Variants in ABCG1 observed in about 807,000 individuals in gnomAD.
ABCG1 encodes the protein ATP binding cassette subfamily G member 1, also known as ATP-binding cassette sub-family G member 1.
A neutral mutation model predicts 69.2 loss-of-function variants in ABCG1; 29 were observed. The observed-to-expected ratio is 0.42, with a 90% CI of 0.31 to 0.57. The LOEUF (loss-of-function observed/expected upper bound fraction) is 0.57. ABCG1 is among the 20% of genes least tolerant of loss of function. The pLI, the probability that ABCG1 is intolerant of heterozygous loss-of-function variation, is 0.15. For synonymous variants in ABCG1, 370 were observed against 374.8 expected, an observed-to-expected ratio of 0.99 and a Z score of 0.15; for missense variants, 718 against 898.1, an observed-to-expected ratio of 0.80 and a Z score of 2.56.
chr21:42,211,119 C>T (rs979178933), upstream of ABCG1, among the ~76,000 whole-genome samples: 1 of 152,122 alleles, frequency 6.6e-6, no homozygotes, highest in African/African-American at 2.4e-5. Flanking sequence ...GCTACCACAT[C>T]TAGCTAATTT....
At chr21:42,270,121 A>G (rs988513140) in intron 2 of ABCG1, among the ~76,000 whole-genome samples, 2 of 152,108 alleles carry the variant, frequency 1.3e-5, no homozygotes, top group African/African-American at 2.4e-5. Context: ...TTAGCCAGGC[A>G]TGGTGGCAGG....
At chr21:42,243,446 G>A (rs527643199) in intron 2 of ABCG1, among the ~76,000 whole-genome samples, 8 of 18,906 alleles carry the variant, frequency 4.2e-4, no homozygotes, top group African/African-American at 1.9e-3. Context: ...GTGTGTGTGC[G>A]CGTGTGTGTG....
At chr21:42,208,930 G>A (rs894061710) in intron 2 of ABCG1, among the ~76,000 whole-genome samples, 1 of 152,186 alleles carries the variant, frequency 6.6e-6, no homozygotes, top group African/African-American at 2.4e-5. Context: ...GGCTCCACAA[G>A]GTGACTGCCC....
chr21:42,221,112 T>C (rs1271212256), intron 1 of ABCG1: 1 of 152,200 alleles, frequency 6.6e-6, no homozygotes, highest in Non-Finnish European at 1.5e-5. Context: ...TATTTTATTT[T>C]GAAAATTATT....
chr21:42,285,008 C>T (rs1489795034), intron 7 of ABCG1, among the ~76,000 whole-genome samples: 1 of 152,068 alleles, frequency 6.6e-6, no homozygotes, highest in Middle Eastern at 3.2e-3. Context: ...GAACCACAGG[C>T]AGCGAAGGGG....
chr21:42,283,720 ACC>A (rs10550045), intron 6 of ABCG1, among the ~76,000 whole-genome samples: 191 of 17,906 alleles, frequency 0.011, 16 homozygotes, highest in African/African-American at 0.051. Flanking sequence ...AGTACCACCC[ACC>A]ACCCAGATGA....
At chr21:42,220,931 C>T (rs896770344) in intron 1 of ABCG1, among the ~76,000 whole-genome samples, 3 of 152,068 alleles carry the variant, frequency 2.0e-5, no homozygotes, top group Non-Finnish European at 4.4e-5. Flanking sequence ...TGTGGGTTTT[C>T]CTATAATGGA....
chr21:42,259,941 G>A (rs2068376426), intron 2 of ABCG1: 2 of 1,479,412 alleles, frequency 1.4e-6, no homozygotes, highest in Admixed American at 5.0e-5. Context: ...GCTGTGGGTT[G>A]GACGGTGGTG....
chr21:42,266,582 G>A (rs556258334), intron 2 of ABCG1, among the ~76,000 whole-genome samples: 1 of 152,196 alleles, frequency 6.6e-6, no homozygotes, highest in East Asian at 1.9e-4. Flanking sequence ...CGGCTCCAAG[G>A]GCAGTCCGTC....
upstream of ABCG1, among the ~76,000 whole-genome samples, chr21:42,211,223 G>T (rs371559119): frequency 6.6e-6 from 1 of 152,120 alleles, no homozygotes; most frequent in East Asian, 1.9e-4. Flanking sequence ...CTCCCAAAGT[G>T]CTGGCATTAC....
chr21:42,285,749 G>T lies in ABCG1; in HGVS notation c.859-131G>T, dbSNP rs910763534. 8 of 706,048 alleles carry T rather than the reference G, an allele frequency of 1.1e-5. No individual in the cohort carries two copies. The African/African-American group carries it at 1.4e-4, about 12-fold the overall frequency. The allele number at this position is 706,048 out of a possible 1,614,324, so 43.7% of individuals were successfully genotyped here. The stretch of plus-strand genomic sequence containing the variant: ...CTTGGGGGTGATGTAAAGCTCTCAG[G>T]AGAGGAAGTGGCTGATCGCTGGGCT... On this transcript the variant is annotated intron_variant, in intron 7 of 14. Coordinates refer to ENST00000398449, the MANE Select transcript of ABCG1 (RefSeq NM_016818.3).
chr21:42,222,998 T>C (rs938004279), intron 1 of ABCG1, among the ~76,000 whole-genome samples: 1 of 152,222 alleles, frequency 6.6e-6, no homozygotes, highest in African/African-American at 2.4e-5. Context: ...TCTGCAGTTC[T>C]GGTCCTGTTA....
At chr21:42,262,791 A>G (rs768483055) in intron 2 of ABCG1, among the ~76,000 whole-genome samples, 11 of 152,178 alleles carry the variant, frequency 7.2e-5, no homozygotes, top group African/African-American at 2.7e-4. Context: ...ACCCTCTCCA[A>G]GCTCTTGTAT....
chr21:42,207,139 T>A (rs1262585988), intron 2 of ABCG1, among the ~76,000 whole-genome samples: 1 of 152,206 alleles, frequency 6.6e-6, no homozygotes, highest in Non-Finnish European at 1.5e-5. Flanking sequence ...TTATATCTTT[T>A]GGTAAGTTTG....
At chr21:42,216,413 G>T (rs368208564), upstream of ABCG1, among the ~76,000 whole-genome samples, 2 of 152,154 alleles carry the variant, frequency 1.3e-5, no homozygotes, top group Non-Finnish European at 2.9e-5. Flanking sequence ...AGAATGCCTC[G>T]AAAAGTCTTG....
intron 2 of ABCG1, chr21:42,256,177 T>G (rs1368827629): frequency 7.0e-7 from 1 of 1,420,896 alleles, no homozygotes; most frequent in Admixed American, 3.0e-5. Flanking sequence ...CTTTTAGGGC[T>G]GCTGCGATCA....
At chr21:42,292,872 TACCCACCACACACTACAC>T in intron 13 of ABCG1, among the ~76,000 whole-genome samples, 1 of 89,364 alleles carries the variant, frequency 1.1e-5, no homozygotes, top group African/African-American at 4.5e-5. Flanking sequence ...CACTACACAC[TACCCACCACACACTACAC>T]ACACACCACA....
At chr21:42,279,910 G>T (rs1156757587) in intron 5 of ABCG1, among the ~76,000 whole-genome samples, 2 of 152,240 alleles carry the variant, frequency 1.3e-5, no homozygotes, top group Admixed American at 1.3e-4. Context: ...TCCTCGTGGT[G>T]CCTGGGCCCT....
intron 8 of ABCG1, among the ~76,000 whole-genome samples, chr21:42,286,963 G>A (rs2068952769): frequency 6.6e-6 from 1 of 152,228 alleles, no homozygotes; most frequent in Non-Finnish European, 1.5e-5. Context: ...ACTTTCCGGT[G>A]GGGCCAATGT....
Sources: gnomAD v4.1 joint callset for allele counts (sites outside exome capture counted in the v4.1 genomes callset) on GRCh38, gnomAD v4.1.1 for gene constraint, MANE v1.5 for transcripts, NCBI Gene and HGNC (gene_info 2026-07-23, HGNC 2026-07-21) for gene names.